The following OPCML variants were observed in gnomAD, a reference collection of about 807,000 sequenced individuals.
OPCML encodes opioid-binding protein/cell adhesion molecule.
OPCML carries 13 observed loss-of-function variants against 37.8 expected under a neutral mutation model. The ratio of observed to expected loss-of-function variants is 0.34; its 90% CI spans 0.22 to 0.55. OPCML has a LOEUF of 0.55. OPCML is among the 20% of genes least tolerant of loss of function. The pLI is 0.91. For synonymous variants in OPCML, 176 were observed against 168.8 expected (o/e 1.04, Z -0.33); for missense variants, 341 against 435.6 (o/e 0.78, Z 1.93).
chr11:133,303,151 C>T (rs1230959178), intron 1 of OPCML, among the ~76,000 whole-genome samples: 1 of 151,942 alleles, frequency 6.6e-6, no homozygotes, highest in Non-Finnish European at 1.5e-5. Context: ...AAAATGCAGC[C>T]CAAAAGTAAA....
Position 133,477,199 on chromosome 11 carries a change from T to C in OPCML, c.61+55065A>G, listed in dbSNP as rs545106224. ...TTTTTCTGTTCGCCCTCTTCTGCCT[T>C]CAGCACACGAAGAGTAGCCATCGCT... On this transcript the variant is annotated intron_variant, in intron 1 of 7. Transcript: ENST00000524381. Among the ~76,000 whole-genome samples the C allele has an allele frequency of 5.4e-3, 817 of 152,316 alleles. 12 individuals are homozygous for C. The highest frequency in any genetic ancestry group is 0.019 in the African/African-American group (785 of 41,568).
intron 2 of OPCML, among the ~76,000 whole-genome samples, chr11:132,827,852 T>G (rs2136270037): frequency 6.6e-6 from 1 of 151,826 alleles, no homozygotes; most frequent in South Asian, 2.1e-4. Flanking sequence ...CACCATGTTT[T>G]GATCTCCTGA....
chr11:133,407,513 G>T (rs988718337), intron 1 of OPCML, among the ~76,000 whole-genome samples: 2 of 151,942 alleles, frequency 1.3e-5, no homozygotes, highest in Non-Finnish European at 2.9e-5. Flanking sequence ...TCCCCAGCAG[G>T]GTGGAGAGAT....
At chr11:132,618,112 A>T (rs1939151125) in intron 3 of OPCML, among the ~76,000 whole-genome samples, 1 of 152,206 alleles carries the variant, frequency 6.6e-6, no homozygotes, top group Non-Finnish European at 1.5e-5. Context: ...ATAAAAGTTG[A>T]TGGAAGTGCT....
chr11:133,333,468 C>T (rs1305186296), intron 1 of OPCML, among the ~76,000 whole-genome samples: 1 of 152,174 alleles, frequency 6.6e-6, no homozygotes, highest in Non-Finnish European at 1.5e-5. Flanking sequence ...TGGACCGCTT[C>T]CTTACACGCT....
At chr11:133,031,776 T>G (rs1947678719) in intron 1 of OPCML, among the ~76,000 whole-genome samples, 1 of 148,646 alleles carries the variant, frequency 6.7e-6, no homozygotes, top group Admixed American at 6.8e-5. Flanking sequence ...GAAAAAAAAT[T>G]TTCTCCCTTT....
At chr11:132,664,791 C>T (rs80019970) in intron 2 of OPCML, among the ~76,000 whole-genome samples, 4,092 of 152,286 alleles carry the variant, frequency 0.027, 184 homozygotes, top group African/African-American at 0.093. Context: ...TAAGGGAAAA[C>T]TTTATGATTC....
chr11:132,505,974 G>A (rs956276589), intron 4 of OPCML, among the ~76,000 whole-genome samples: 4 of 151,702 alleles, frequency 2.6e-5, no homozygotes, highest in African/African-American at 4.8e-5. Context: ...CACATCTCCC[G>A]GAAAGAATTT....
chr11:132,434,479 G>A (rs2096006941), intron 7 of OPCML, among the ~76,000 whole-genome samples: 1 of 152,186 alleles, frequency 6.6e-6, no homozygotes, highest in Admixed American at 6.5e-5. Context: ...TGACGCTGTG[G>A]GCAAATGCTC....
At chr11:133,381,215 A>G (rs1234620525) in intron 1 of OPCML, among the ~76,000 whole-genome samples, 1 of 152,212 alleles carries the variant, frequency 6.6e-6, no homozygotes, top group Non-Finnish European at 1.5e-5. Flanking sequence ...GCAGTGATGC[A>G]AAAGAGAGGG....
intron 1 of OPCML, among the ~76,000 whole-genome samples, chr11:133,176,220 C>A (rs974228704): frequency 2.6e-5 from 4 of 151,982 alleles, no homozygotes; most frequent in Admixed American, 1.3e-4. Context: ...CTGGTGTAAG[C>A]AAGCATTTTT....
At chr11:133,425,092 G>A (rs1428627637) in intron 1 of OPCML, among the ~76,000 whole-genome samples, 1 of 152,168 alleles carries the variant, frequency 6.6e-6, no homozygotes, top group Admixed American at 6.5e-5. Context: ...TAGAAAGATA[G>A]ATTGTTCAGC....
chr11:133,412,059 T>A (rs938132261), intron 1 of OPCML, among the ~76,000 whole-genome samples: 1 of 152,168 alleles, frequency 6.6e-6, no homozygotes, highest in Non-Finnish European at 1.5e-5. Context: ...CGTGGCACAT[T>A]CAAACGGTCT....
intron 1 of OPCML, among the ~76,000 whole-genome samples, chr11:133,296,200 A>T (rs542921866): frequency 6.6e-6 from 1 of 152,324 alleles, no homozygotes; most frequent in South Asian, 2.1e-4. Flanking sequence ...AATTTCCTTT[A>T]GCCACATTTG....
chr11:133,401,849 T>G (rs1945411382), intron 1 of OPCML, among the ~76,000 whole-genome samples: 1 of 152,204 alleles, frequency 6.6e-6, no homozygotes, highest in Admixed American at 6.5e-5. Flanking sequence ...AGTGTAAAAT[T>G]TTCAAAGGCA....
intron 4 of OPCML, among the ~76,000 whole-genome samples, chr11:132,475,923 C>T (rs1458398136): frequency 6.6e-6 from 1 of 152,068 alleles, no homozygotes; most frequent in Admixed American, 6.5e-5. Context: ...CAGACAAATC[C>T]ATCTGTGTGA....
intron 1 of OPCML, among the ~76,000 whole-genome samples, chr11:133,190,078 A>T (rs1017589593): frequency 2.6e-5 from 4 of 152,218 alleles, no homozygotes; most frequent in Non-Finnish European, 5.9e-5. Context: ...ATCAACAAAG[A>T]TATAATCCTA....
At chr11:132,427,799 A>G (rs751040423) in intron 7 of OPCML, among the ~76,000 whole-genome samples, 1 of 152,228 alleles carries the variant, frequency 6.6e-6, no homozygotes, top group Non-Finnish European at 1.5e-5. Flanking sequence ...GATGTCAATG[A>G]TTCAGAGCGA....
chr11:133,250,222 T>C (rs978520284), intron 1 of OPCML, among the ~76,000 whole-genome samples: 1 of 152,244 alleles, frequency 6.6e-6, no homozygotes, highest in African/African-American at 2.4e-5. Context: ...ATATGTTCCC[T>C]CTTATGTATT....
Sources: allele counts gnomAD v4.1 joint callset (sites outside exome capture counted in the v4.1 genomes callset), GRCh38; gene constraint gnomAD v4.1.1; transcripts MANE v1.5; gene names NCBI Gene and HGNC (gene_info 2026-07-23, HGNC 2026-07-21).